The following MAGED1 variants were observed in gnomAD, a reference collection of about 807,000 sequenced individuals.
MAGED1 encodes MAGE family member D1.
Under a neutral mutation model 54.1 loss-of-function variants are expected in MAGED1, and 3 were observed. The observed-to-expected ratio is 0.06, with a 90% confidence interval of 0.03 to 0.14. The LOEUF (loss-of-function observed/expected upper bound fraction) is 0.14. Among genes scored for constraint, MAGED1 ranks in the 10% least tolerant of loss-of-function variants. MAGED1 has a pLI of 1.00. For synonymous variants in MAGED1, 217 were observed against 227.3 expected, an observed-to-expected ratio of 0.95 and a Z score of 0.41; for missense variants, 485 against 623.4, an observed-to-expected ratio of 0.78 and a Z score of 2.36.
At chrX:51,834,781 G>T (rs1296151184) in intron 1 of MAGED1, among the ~76,000 whole-genome samples, 1 of 111,276 alleles carries the variant, frequency 9.0e-6, no homozygotes. Flanking sequence ...TATAAATTTT[G>T]ATCAAATCTA....
At chrX:51,862,320 G>T (rs1927311883) in intron 1 of MAGED1, among the ~76,000 whole-genome samples, 1 of 110,932 alleles carries the variant, frequency 9.0e-6, no homozygotes, top group African/African-American at 3.3e-5. Context: ...GCCTAAAATA[G>T]TGCCTGATAC....
intron 1 of MAGED1, among the ~76,000 whole-genome samples, chrX:51,841,562 G>A (rs1451163477): frequency 8.9e-6 from 1 of 111,913 alleles, no homozygotes; most frequent in African/African-American, 3.3e-5. Flanking sequence ...GGTTTTTATG[G>A]TTTTAGGTCT....
At chrX:51,811,181 G>T (rs1023292675) in intron 1 of MAGED1, among the ~76,000 whole-genome samples, 2 of 111,485 alleles carry the variant, frequency 1.8e-5, no homozygotes, top group African/African-American at 6.5e-5. Flanking sequence ...GAATTTTCAA[G>T]ATATGACATT....
chrX:51,844,259 A>G (rs1926607269), intron 1 of MAGED1, among the ~76,000 whole-genome samples: 1 of 112,004 alleles, frequency 8.9e-6, no homozygotes, highest in Non-Finnish European at 1.9e-5. Flanking sequence ...GAAGATCCTT[A>G]CTATATAGTG....
At chrX:51,844,385 C>T (rs1179253436) in intron 1 of MAGED1, among the ~76,000 whole-genome samples, 5 of 112,190 alleles carry the variant, frequency 4.5e-5, no homozygotes, top group African/African-American at 1.3e-4. Flanking sequence ...TGGCTAGCTT[C>T]TTCTCGATGC....
At chrX:51,814,303 T>TGCC (rs1925331730) in intron 1 of MAGED1, among the ~76,000 whole-genome samples, 2 of 111,298 alleles carry the variant, frequency 1.8e-5, no homozygotes, top group East Asian at 5.6e-4. Flanking sequence ...CCGCCGCCGC[T>TGCC]GCCGCTGCCA....
At chrX:51,887,793 AG>A (rs1392694096) in intron 1 of MAGED1, among the ~76,000 whole-genome samples, 1 of 110,251 alleles carries the variant, frequency 9.1e-6, no homozygotes. Flanking sequence ...GTGAGGTACT[AG>A]GGCTTGTTGA....
intron 1 of MAGED1, among the ~76,000 whole-genome samples, chrX:51,810,839 G>A (rs146746585): frequency 0.011 from 1,174 of 111,599 alleles, 20 homozygotes; most frequent in African/African-American, 0.037. Context: ...ATATAGTCAA[G>A]GAAAGGCATA....
intron 1 of MAGED1, among the ~76,000 whole-genome samples, chrX:51,839,226 C>G (rs1423492019): frequency 1.8e-5 from 2 of 111,795 alleles, no homozygotes; most frequent in Admixed American, 9.5e-5. Flanking sequence ...ACTCTCAATA[C>G]TTAAATTTAT....
intron 1 of MAGED1, among the ~76,000 whole-genome samples, chrX:51,861,141 T>A (rs537698855): frequency 1.8e-5 from 2 of 111,926 alleles, no homozygotes; most frequent in Admixed American, 1.9e-4. Flanking sequence ...TCCACCATCT[T>A]TTGATCTATT....
chrX:51,846,783 A>G (rs782205426), intron 1 of MAGED1, among the ~76,000 whole-genome samples: 5 of 110,995 alleles, frequency 4.5e-5, no homozygotes, highest in Non-Finnish European at 7.5e-5. Context: ...TCATTCACTC[A>G]TTATCACAAG....
chrX:51,864,701 A>G (rs1927403266), intron 1 of MAGED1, among the ~76,000 whole-genome samples: 1 of 111,003 alleles, frequency 9.0e-6, no homozygotes, highest in Non-Finnish European at 1.9e-5. Flanking sequence ...TAAGTATTTT[A>G]TTGGTTTTGA....
chrX:51,867,910 C>T (rs947264170), intron 1 of MAGED1, among the ~76,000 whole-genome samples: 8 of 112,190 alleles, frequency 7.1e-5, no homozygotes, highest in African/African-American at 2.6e-4. Flanking sequence ...TTGTCTATCT[C>T]TTCAGGACCA....
At chrX:51,857,840 A>C (rs1557360342) in intron 1 of MAGED1, 1 of 112,315 alleles carries the variant, frequency 8.9e-6, no homozygotes. Flanking sequence ...TACGTAAAAA[A>C]TTATGGGTAT....
intron 1 of MAGED1, among the ~76,000 whole-genome samples, chrX:51,882,494 A>G (rs1928090362): frequency 9.1e-6 from 1 of 109,959 alleles, no homozygotes; most frequent in Non-Finnish European, 1.9e-5. Context: ...TCTCTAGGGA[A>G]CTTGGAACCA....
exon 1 of MAGED1, chrX:51,803,083 C>T (rs782340760): frequency 3.0e-4 from 34 of 111,505 alleles, no homozygotes; most frequent in African/African-American, 1.1e-3. Context: ...GACAGCACTT[C>T]CGGTCACGCC....
upstream of MAGED1, among the ~76,000 whole-genome samples, chrX:51,892,518 C>T (rs1487194386): frequency 8.9e-6 from 1 of 111,993 alleles, no homozygotes; most frequent in Non-Finnish European, 1.9e-5. Context: ...TGATTGTATC[C>T]CTGATAAGGA....
chrX:51,869,809 G>T (rs782396737), intron 1 of MAGED1, among the ~76,000 whole-genome samples: 2 of 111,529 alleles, frequency 1.8e-5, no homozygotes, highest in Non-Finnish European at 3.8e-5. Context: ...GGCGGAGATT[G>T]CAGTGAGCCG....
At position 51,895,488 on chromosome X, in the gene MAGED1, T is replaced by C. The variant is rs1450851195; in HGVS notation, c.481T>C (p.Tyr161His). Residue 161 changes from tyrosine to histidine, a missense_variant, in exon 3 of 13, where the codon TAC becomes CAC. Tyr to His is a moderately conservative substitution (Grantham distance 83). Coordinates refer to ENST00000326587, the MANE Select transcript of MAGED1 (RefSeq NM_006986.4). ...TACTAAAGTGGGCCCAAATGCCACC[T>C]ACAATTTCTCTCAGTCTCTCAATGC... ...ATTKVGPNAT[Y>H]NFSQSLNAND... 5 of 1,208,573 alleles carry C rather than the reference T, an allele frequency of 4.1e-6. No homozygotes were observed. The East Asian group carries it at 8.9e-5, about 21-fold the overall frequency.
Sources: gnomAD v4.1 joint callset for allele counts (sites outside exome capture counted in the v4.1 genomes callset) on GRCh38, gnomAD v4.1.1 for gene constraint, MANE v1.5 for transcripts, NCBI Gene and HGNC (gene_info 2026-07-23, HGNC 2026-07-21) for gene names.